SIRPG: variants seen among roughly 807,000 people sequenced by gnomAD.
SIRPG encodes signal-regulatory protein gamma.
SIRPG carries 38 observed loss-of-function variants against 35.7 expected under a neutral mutation model. The ratio of observed to expected loss-of-function variants is 1.06; its 90% CI spans 0.82 to 1.40. The LOEUF (loss-of-function observed/expected upper bound fraction) is 1.40. Among genes scored for constraint, SIRPG ranks in the 40% most tolerant of loss-of-function variants. SIRPG has a pLI of 0.00. For synonymous variants in SIRPG, 215 were observed against 190.4 expected (o/e 1.13, Z -1.06); for missense variants, 519 against 483.0 (o/e 1.07, Z -0.70).
At chr20:1,652,063 C>T (rs1312423260) in intron 1 of SIRPG, among the ~76,000 whole-genome samples, 3 of 152,192 alleles carry the variant, frequency 2.0e-5, no homozygotes, top group Non-Finnish European at 4.4e-5. Flanking sequence ...TCTCTAGAGA[C>T]TTTGGCAATG....
the SIRPG span, among the ~76,000 whole-genome samples, chr20:1,664,443 A>G: frequency 2.8e-3 from 433 of 152,258 alleles, 1 homozygote; most frequent in Non-Finnish European, 4.5e-3. Context: ...AGCTGGAGAG[A>G]GTCTGTGGTT....
At chr20:1,644,897 C>A (rs144523252) in intron 2 of SIRPG, among the ~76,000 whole-genome samples, 2 of 152,186 alleles carry the variant, frequency 1.3e-5, no homozygotes, top group African/African-American at 2.4e-5. Context: ...GATGTCAGAA[C>A]CTGGATACTT....
chr20:1,683,299 G>A, the SIRPG span, among the ~76,000 whole-genome samples: 437 of 152,296 alleles, frequency 2.9e-3, 1 homozygote, highest in African/African-American at 0.01. Flanking sequence ...CTGTTGGTGA[G>A]AATGTAAATT....
chr20:1,638,691 T>G lies in SIRPG; in HGVS notation c.431-2186A>C, dbSNP rs1355942555. The stretch of plus-strand genomic sequence containing the variant: ...ATAGGTTATGTTTGCCATGGTGGTT[T>G]GCTGCACTTATCAACCCATCATCTA... On this transcript the variant is annotated intron_variant, in intron 2 of 5. Coordinates refer to ENST00000303415, the MANE Select transcript of SIRPG (RefSeq NM_018556.4). 3.3e-5 allele frequency among the ~76,000 whole-genome samples: 5 copies of G among 152,214 alleles called. 1 individual carries two copies. Among genetic ancestry groups the G allele is most frequent in the Non-Finnish European group, 7.3e-5 (5 of 68,040 alleles).
At chr20:1,679,885 T>C in the SIRPG span, among the ~76,000 whole-genome samples, 2 of 152,184 alleles carry the variant, frequency 1.3e-5, no homozygotes, top group Non-Finnish European at 2.9e-5. Context: ...CTCTGCTTTC[T>C]TCAGCTTTGT....
chr20:1,685,930 G>A, the SIRPG span, among the ~76,000 whole-genome samples: 2 of 152,254 alleles, frequency 1.3e-5, no homozygotes, highest in African/African-American at 4.8e-5. Flanking sequence ...AGATGGTTTT[G>A]CCTCCTGGAG....
intron 2 of SIRPG, among the ~76,000 whole-genome samples, chr20:1,645,277 C>A (rs941773803): frequency 6.6e-6 from 1 of 152,084 alleles, no homozygotes; most frequent in Non-Finnish European, 1.5e-5. Flanking sequence ...AAGCCCCAAC[C>A]CTATGGGGCA....
chr20:1,653,241 C>T (rs571062653), intron 1 of SIRPG, among the ~76,000 whole-genome samples: 19 of 152,286 alleles, frequency 1.2e-4, no homozygotes, highest in African/African-American at 3.9e-4. Flanking sequence ...GAGTTCAAAT[C>T]GTAGCTCTAC....
At chr20:1,653,130 C>T (rs1011918116) in intron 1 of SIRPG, among the ~76,000 whole-genome samples, 4 of 152,214 alleles carry the variant, frequency 2.6e-5, no homozygotes, top group Non-Finnish European at 5.9e-5. Context: ...TTGCCCACTC[C>T]ACACCCAAGA....
At chr20:1,649,626 G>GTTTTT (rs1568736258) in intron 1 of SIRPG, among the ~76,000 whole-genome samples, 2 of 101,614 alleles carry the variant, frequency 2.0e-5, no homozygotes, top group African/African-American at 7.9e-5. Flanking sequence ...GCACAGAGAG[G>GTTTTT]TTCTTTTTTT....
the SIRPG span, among the ~76,000 whole-genome samples, chr20:1,677,811 T>C: frequency 6.6e-6 from 1 of 152,108 alleles, no homozygotes; most frequent in African/African-American, 2.4e-5. Flanking sequence ...AAATACAAAA[T>C]TGAAGATAGG....
chr20:1,648,652 A>AAAATAAATT (rs2091915046), intron 2 of SIRPG, among the ~76,000 whole-genome samples: 1 of 144,012 alleles, frequency 6.9e-6, no homozygotes, highest in Non-Finnish European at 1.5e-5. Context: ...TAAAATAAAT[A>AAAATAAATT]AAAAAAAATA....
the SIRPG span, chr20:1,671,005 C>A: frequency 2.7e-6 from 1 of 369,538 alleles, no homozygotes; most frequent in South Asian, 2.3e-5. Context: ...GGCTGTGCTG[C>A]AGGTGCTATA....
At chr20:1,681,385 C>A in the SIRPG span, among the ~76,000 whole-genome samples, 1 of 152,178 alleles carries the variant, frequency 6.6e-6, no homozygotes, top group Non-Finnish European at 1.5e-5. Flanking sequence ...AATGAATGAC[C>A]TTGGAATGCT....
rs6079977 is a variant in SIRPG, at chr20:1,654,221, G to A, written c.73+3421C>T. The stretch of plus-strand genomic sequence containing the variant: ...ACCACTGCACTCCAGACTGGCGACA[G>A]AGCAAGACTGCATCTAAAAAAAAAA... On this transcript the variant is annotated intron_variant, in intron 1 of 5. Transcript: ENST00000303415. 6.3e-3 allele frequency among the ~76,000 whole-genome samples: 919 copies of A among 146,104 alleles called. 10 individuals are homozygous for A. Among genetic ancestry groups the A allele is most frequent in the African/African-American group, 0.019 (728 of 39,308 alleles).
At chr20:1,663,340 C>T in the SIRPG span, among the ~76,000 whole-genome samples, 8 of 152,044 alleles carry the variant, frequency 5.3e-5, no homozygotes, top group Admixed American at 2.6e-4. Flanking sequence ...AAAAAATCAT[C>T]GTGACTGAAA....
chr20:1,676,691 C>A, the SIRPG span: 1 of 166,390 alleles, frequency 6.0e-6, no homozygotes, highest in South Asian at 1.2e-4. Context: ...TTTGTCTAGT[C>A]TGAAATAGTT....
intron 2 of SIRPG, chr20:1,638,421 T>A (rs1004076770): frequency 6.6e-6 from 1 of 152,026 alleles, no homozygotes; most frequent in Non-Finnish European, 1.5e-5. Flanking sequence ...CAGCAGAACA[T>A]AGAGGAGTAG....
Position 1,635,364 on chromosome 20 carries a change from G to A in SIRPG, c.984C>T (p.Thr328=), listed in dbSNP as rs750613199. ...ISDQRDDVVL[T]CQVKHDGQLA... ...GCTGCCCATCATGCTTCACCTGGCA[G>A]GTGAGGACCACATCATCCCTTTGGT... The change falls in exon 4 of 6, where the codon ACC becomes ACT. Residue 328 remains threonine (T), a synonymous_variant. Transcript: ENST00000303415. The A allele has an allele frequency of 2.5e-6, 4 of 1,614,092 alleles. No individual in the cohort carries two copies. Among genetic ancestry groups the A allele is most frequent in the Admixed American group, 3.3e-5 (2 of 60,008 alleles).
Sources: gnomAD v4.1 joint callset for allele counts (sites outside exome capture counted in the v4.1 genomes callset) on GRCh38, gnomAD v4.1.1 for gene constraint, MANE v1.5 for transcripts, NCBI Gene and HGNC (gene_info 2026-07-23, HGNC 2026-07-21) for gene names.